CTNND2: variants seen among roughly 807,000 people sequenced by gnomAD.
The protein encoded by CTNND2 is catenin delta 2.
CTNND2 carries 22 observed loss-of-function variants against 144.4 expected under a neutral mutation model. The ratio of observed to expected loss-of-function variants is 0.15; its 90% CI spans 0.11 to 0.22. The LOEUF is 0.22. Among genes scored for constraint, CTNND2 ranks in the 10% least tolerant of loss-of-function variants. The pLI, the probability that CTNND2 is intolerant of heterozygous loss-of-function variation, is 1.00. For synonymous variants in CTNND2, 751 were observed against 695.6 expected, an observed-to-expected ratio of 1.08 and a Z score of -1.25; for missense variants, 1,353 against 1,618.8, an observed-to-expected ratio of 0.84 and a Z score of 2.82.
chr5:11,783,183 G>A (rs1790636305), intron 1 of CTNND2, among the ~76,000 whole-genome samples: 1 of 152,146 alleles, frequency 6.6e-6, no homozygotes, highest in African/African-American at 2.4e-5. Flanking sequence ...AAGGAGAGAT[G>A]AGCGAGGGAG....
At position 10,998,865 on chromosome 5, in the gene CTNND2, T is replaced by C. The variant is rs114816483; in HGVS notation, c.3085-6188A>G. On this transcript the variant is annotated intron_variant, in intron 18 of 21. Transcript: ENST00000304623. ...ATGTGCGTAGGTTATATGCAAATAC[T>C]GCACCATTTTATTAATACAGCCGGG... 4.3e-3 allele frequency among the ~76,000 whole-genome samples: 659 copies of C among 152,358 alleles called. 7 individuals are homozygous for C. Among genetic ancestry groups the C allele is most frequent in the African/African-American group, 0.015 (630 of 41,582 alleles).
At chr5:11,460,367 G>A (rs1766084523) in intron 3 of CTNND2, among the ~76,000 whole-genome samples, 1 of 152,304 alleles carries the variant, frequency 6.6e-6, no homozygotes, top group South Asian at 2.1e-4. Flanking sequence ...CTAATTTCTG[G>A]CATCCATTGT....
At chr5:11,095,110 A>G (rs1179242145) in intron 15 of CTNND2, among the ~76,000 whole-genome samples, 2 of 152,198 alleles carry the variant, frequency 1.3e-5, no homozygotes, top group East Asian at 3.8e-4. Flanking sequence ...AAAATAGTAA[A>G]TGCTTTTTAA....
intron 2 of CTNND2, among the ~76,000 whole-genome samples, chr5:11,671,710 A>G (rs191180834): frequency 1.3e-5 from 2 of 152,074 alleles, no homozygotes; most frequent in East Asian, 3.9e-4. Flanking sequence ...GCTTCCTTGC[A>G]TTGGGTTAGA....
intron 11 of CTNND2, among the ~76,000 whole-genome samples, chr5:11,165,416 T>C (rs1219437517): frequency 2.0e-5 from 3 of 152,200 alleles, no homozygotes; most frequent in Admixed American, 6.5e-5. Flanking sequence ...TCAGCATTCA[T>C]AACAAATTAC....
intron 1 of CTNND2, among the ~76,000 whole-genome samples, chr5:11,840,129 T>C (rs1292035419): frequency 6.6e-6 from 1 of 152,166 alleles, no homozygotes; most frequent in Non-Finnish European, 1.5e-5. Flanking sequence ...ATCTGAGTGG[T>C]CTGCTGAGTC....
At chr5:11,216,946 T>C (rs61750750) in intron 10 of CTNND2, among the ~76,000 whole-genome samples, 127 of 152,296 alleles carry the variant, frequency 8.3e-4, no homozygotes, top group African/African-American at 2.7e-3. Flanking sequence ...AGGTGCCTAC[T>C]GAAGGAGGTG....
intron 9 of CTNND2, among the ~76,000 whole-genome samples, chr5:11,278,724 A>G (rs1044613075): frequency 3.9e-5 from 6 of 152,162 alleles, no homozygotes; most frequent in Non-Finnish European, 8.8e-5. Flanking sequence ...AGTCTGGATG[A>G]AGGAGGGAAA....
intron 18 of CTNND2, among the ~76,000 whole-genome samples, chr5:11,008,697 T>C (rs1362479529): frequency 1.3e-5 from 2 of 152,122 alleles, no homozygotes; most frequent in East Asian, 3.9e-4. Flanking sequence ...GTGGACAAAA[T>C]AGGGTTCTGC....
chr5:11,527,152 T>C (rs1208902513), intron 3 of CTNND2, among the ~76,000 whole-genome samples: 1 of 152,114 alleles, frequency 6.6e-6, no homozygotes, highest in East Asian at 1.9e-4. Context: ...AGAGTGATGG[T>C]TGCACACTAT....
chr5:11,133,745 G>A (rs1755846910), intron 12 of CTNND2, among the ~76,000 whole-genome samples: 1 of 152,226 alleles, frequency 6.6e-6, no homozygotes, highest in Admixed American at 6.5e-5. Context: ...GGTCTTGCAA[G>A]TTTATGCACA....
chr5:11,742,253 G>A (rs138802258), intron 1 of CTNND2, among the ~76,000 whole-genome samples: 96 of 152,184 alleles, frequency 6.3e-4, no homozygotes, highest in African/African-American at 2.1e-3. Context: ...CTTGTTTCCC[G>A]TCCTGTTCCT....
At chr5:11,388,918 A>G (rs1759358598) in intron 6 of CTNND2, among the ~76,000 whole-genome samples, 1 of 152,230 alleles carries the variant, frequency 6.6e-6, no homozygotes, top group African/African-American at 2.4e-5. Context: ...AATTCAAGTA[A>G]AGTTTCATTT....
chr5:10,973,774 T>A lies in CTNND2; in HGVS notation c.3418-61A>T. The A allele has an allele frequency of 6.6e-7, 1 of 1,518,680 alleles. No individual in the cohort carries two copies. The highest frequency in any genetic ancestry group is 8.8e-7 in the Non-Finnish European group (1 of 1,134,438). 94.1% of individuals were successfully genotyped at this position (1,518,680 alleles called of 1,614,324 possible). On this transcript the variant is annotated intron_variant, in intron 21 of 21. Coordinates refer to ENST00000304623, the MANE Select transcript of CTNND2 (RefSeq NM_001332.4). The surrounding 1 kb of genome is among the most constrained non-coding windows in gnomAD (Gnocchi z 5.6). The stretch of plus-strand genomic sequence containing the variant: ...GTTTCCCTTGACTCAGCCTGCCTCT[T>A]GCCCCGGCACCCAACTCTCCTTCAA...
intron 1 of CTNND2, among the ~76,000 whole-genome samples, chr5:11,883,644 T>G (rs1736299102): frequency 6.6e-6 from 1 of 152,216 alleles, no homozygotes; most frequent in Non-Finnish European, 1.5e-5. Flanking sequence ...TAAACATACG[T>G]GTGCAAGTGT....
intron 8 of CTNND2, among the ~76,000 whole-genome samples, chr5:11,363,524 AC>A (rs1432962113): frequency 6.6e-6 from 1 of 152,210 alleles, no homozygotes; most frequent in Non-Finnish European, 1.5e-5. Context: ...AAAAATTCTG[AC>A]AGAAGAACAA....
intron 2 of CTNND2, among the ~76,000 whole-genome samples, chr5:11,681,435 G>A (rs1179288441): frequency 6.6e-6 from 1 of 152,194 alleles, no homozygotes; most frequent in African/African-American, 2.4e-5. Flanking sequence ...TGACTTTTCA[G>A]GTTCCCTTTC....
At chr5:11,659,517 T>G (rs1783076566) in intron 2 of CTNND2, among the ~76,000 whole-genome samples, 1 of 152,144 alleles carries the variant, frequency 6.6e-6, no homozygotes, top group Non-Finnish European at 1.5e-5. Context: ...AGTGTTAGCA[T>G]GCACATTGAT....
At chr5:11,606,192 C>T (rs932513394) in intron 2 of CTNND2, among the ~76,000 whole-genome samples, 3 of 152,184 alleles carry the variant, frequency 2.0e-5, no homozygotes. Context: ...GACTTCAACA[C>T]AAGGATGGCA....
Sources: gnomAD v4.1 joint callset for allele counts (sites outside exome capture counted in the v4.1 genomes callset) on GRCh38, gnomAD v4.1.1 for gene constraint, Gnocchi (gnomAD v3.1) non-coding constraint, MANE v1.5 for transcripts, NCBI Gene and HGNC (gene_info 2026-07-23, HGNC 2026-07-21) for gene names.